MARCHF3: variants seen among roughly 807,000 people sequenced by gnomAD.
MARCHF3 encodes the protein E3 ubiquitin-protein ligase MARCHF3.
Under a neutral mutation model 24.2 loss-of-function variants are expected in MARCHF3, and 13 were observed. The ratio of observed to expected loss-of-function variants is 0.54; its 90% CI spans 0.35 to 0.85. The LOEUF (loss-of-function observed/expected upper bound fraction) is 0.85. Ranked by LOEUF, MARCHF3 falls within the 40% of genes least tolerant of loss-of-function variation. MARCHF3 has a pLI of 0.01. For missense variants in MARCHF3, 276 were observed against 325.0 expected, an observed-to-expected ratio of 0.85 and a Z score of 1.16; for synonymous variants, 144 against 137.3, an observed-to-expected ratio of 1.05 and a Z score of -0.34.
intron 3 of MARCHF3, among the ~76,000 whole-genome samples, chr5:126,904,060 A>G (rs949333640): frequency 2.9e-4 from 44 of 149,754 alleles, no homozygotes; most frequent in Non-Finnish European, 2.2e-4. Flanking sequence ...GAGAATATGC[A>G]GTGTTTGGTT....
intron 1 of MARCHF3, among the ~76,000 whole-genome samples, chr5:126,943,808 C>A (rs1465049234): frequency 6.6e-6 from 1 of 151,874 alleles, no homozygotes; most frequent in East Asian, 1.9e-4. Context: ...GATTCATGAA[C>A]CCTTACTCTT....
At chr5:126,954,678 CTT>C (rs199567453) in intron 1 of MARCHF3, among the ~76,000 whole-genome samples, 16 of 130,046 alleles carry the variant, frequency 1.2e-4, no homozygotes, top group Non-Finnish European at 1.5e-4. Context: ...GCCCCAGTTT[CTT>C]TTTTTTTTTT....
chr5:126,874,501 G>T (rs532509930), intron 4 of MARCHF3, among the ~76,000 whole-genome samples: 3 of 151,608 alleles, frequency 2.0e-5, no homozygotes, highest in Non-Finnish European at 2.9e-5. Flanking sequence ...CAGGAGAATC[G>T]CTTGAACCTG....
chr5:126,916,319 C>A (rs943623819), intron 2 of MARCHF3, among the ~76,000 whole-genome samples: 1 of 152,168 alleles, frequency 6.6e-6, no homozygotes, highest in Admixed American at 6.5e-5. Context: ...TCTTTACCTG[C>A]CCTCCCTTGC....
chr5:126,930,508 C>T (rs1446948125), intron 1 of MARCHF3, among the ~76,000 whole-genome samples: 1 of 152,204 alleles, frequency 6.6e-6, no homozygotes, highest in Non-Finnish European at 1.5e-5. Context: ...GAACTAATGC[C>T]TCTGTAGACT....
At chr5:126,878,824 G>T (rs1257914280) in intron 3 of MARCHF3, among the ~76,000 whole-genome samples, 1 of 152,328 alleles carries the variant, frequency 6.6e-6, no homozygotes, top group East Asian at 1.9e-4. Context: ...ACATTCCCAA[G>T]ACAGGCCTGT....
Position 126,938,132 on chromosome 5 carries a change from T to C in MARCHF3, c.-56-19905A>G, listed in dbSNP as rs1005393870. Among the ~76,000 whole-genome samples the C allele has an allele frequency of 2.6e-4, 40 of 151,494 alleles. 1 individual carries two copies. The highest frequency in any genetic ancestry group is 7.5e-4 in the African/African-American group (31 of 41,334). On this transcript the variant is annotated intron_variant, in intron 1 of 4. Coordinates refer to ENST00000308660, the MANE Select transcript of MARCHF3 (RefSeq NM_178450.5). The stretch of plus-strand genomic sequence containing the variant: ...CACATTTTATTAACTTAGGGGAGAA[T>C]AGAACATAATTCTCAGCTCTGTTGA...
chr5:127,026,976 T>C (rs796495014), intron 1 of MARCHF3, among the ~76,000 whole-genome samples: 36 of 152,398 alleles, frequency 2.4e-4, no homozygotes, highest in African/African-American at 8.7e-4. Context: ...GCTACTTGGA[T>C]GGTAGAAAGA....
chr5:126,959,222 A>G (rs1750559601), intron 1 of MARCHF3, among the ~76,000 whole-genome samples: 2 of 152,188 alleles, frequency 1.3e-5, no homozygotes, highest in Non-Finnish European at 2.9e-5. Context: ...GTGATAGGGC[A>G]TGTTGGTAGT....
At chr5:126,914,416 C>T (rs757118729) in intron 3 of MARCHF3, among the ~76,000 whole-genome samples, 2 of 152,090 alleles carry the variant, frequency 1.3e-5, no homozygotes, top group African/African-American at 4.8e-5. Context: ...TTTCCTTAAT[C>T]CTTATAGTAA....
intron 1 of MARCHF3, among the ~76,000 whole-genome samples, chr5:127,001,040 C>T (rs1475702554): frequency 6.6e-6 from 1 of 152,086 alleles, no homozygotes; most frequent in Non-Finnish European, 1.5e-5. Flanking sequence ...AAGTTTGAGA[C>T]CAGCCTGATC....
chr5:127,022,261 A>C (rs531488535), intron 1 of MARCHF3, among the ~76,000 whole-genome samples: 2 of 152,218 alleles, frequency 1.3e-5, no homozygotes, highest in Non-Finnish European at 2.9e-5. Context: ...TGCTCTAAGC[A>C]AGTCCTTTGA....
intron 1 of MARCHF3, among the ~76,000 whole-genome samples, chr5:126,996,988 A>G (rs934515693): frequency 1.3e-5 from 2 of 152,150 alleles, no homozygotes; most frequent in Non-Finnish European, 2.9e-5. Flanking sequence ...AGGATAAGAG[A>G]AAGCAAAAAT....
At chr5:126,942,331 G>A (rs899808101) in intron 1 of MARCHF3, among the ~76,000 whole-genome samples, 1 of 152,016 alleles carries the variant, frequency 6.6e-6, no homozygotes, top group African/African-American at 2.4e-5. Flanking sequence ...ACTCTGCCAT[G>A]GTAGCATGAA....
chr5:126,915,828 A>C (rs939491265), intron 2 of MARCHF3, among the ~76,000 whole-genome samples: 2 of 152,340 alleles, frequency 1.3e-5, no homozygotes, highest in Middle Eastern at 3.4e-3. Context: ...AAGGCAGCTT[A>C]GTGTAGTTAG....
In MARCHF3 at chr5:126,870,606, TCAAA is replaced by T. The variant is rs3841140; in HGVS notation, c.*23_*26del. ...ACACTTCCAAACCCCAAACAATGAATCAAACAACCAACCAACCATACAAACATCA... is the reference window on the plus strand; with the variant it reads ...ACACTTCCAAACCCCAAACAATGAATCAACCAACCAACCATACAAACATCA... On this transcript the variant is annotated 3_prime_UTR_variant, in exon 5 of 5. Coordinates refer to ENST00000308660, the MANE Select transcript of MARCHF3 (RefSeq NM_178450.5). 52,122 of 1,610,624 alleles carry T rather than the reference TCAAA, an allele frequency of 0.032. 3,007 individuals carry two copies. The highest frequency in any genetic ancestry group is 0.23 in the African/African-American group (17,448 of 74,816).
chr5:127,015,509 G>A (rs1011979479), intron 1 of MARCHF3, among the ~76,000 whole-genome samples: 1 of 152,156 alleles, frequency 6.6e-6, no homozygotes, highest in Non-Finnish European at 1.5e-5. Flanking sequence ...CAGAATGACA[G>A]GGAAAGAAAA....
chr5:126,944,604 A>C (rs959676276), intron 1 of MARCHF3, among the ~76,000 whole-genome samples: 8 of 152,182 alleles, frequency 5.3e-5, no homozygotes, highest in South Asian at 2.1e-4. Context: ...TAATAATAAT[A>C]ATCATGATCA....
intron 1 of MARCHF3, among the ~76,000 whole-genome samples, chr5:126,954,863 CCTCTTT>C (rs1301907201): frequency 6.6e-6 from 1 of 152,136 alleles, no homozygotes; most frequent in Non-Finnish European, 1.5e-5. Context: ...CTTCTCCTTT[CCTCTTT>C]CTCTTTCCTA....
Sources: gnomAD v4.1 joint callset for allele counts (sites outside exome capture counted in the v4.1 genomes callset) on GRCh38, gnomAD v4.1.1 for gene constraint, MANE v1.5 for transcripts, NCBI Gene and HGNC (gene_info 2026-07-23, HGNC 2026-07-21) for gene names.